LYPLAL1: variants seen among roughly 807,000 people sequenced by gnomAD.
The protein encoded by LYPLAL1 is lysophospholipase like 1, also known as lysophospholipase-like protein 1.
A neutral mutation model predicts 19.7 loss-of-function variants in LYPLAL1; 23 were observed. The ratio of observed to expected loss-of-function variants is 1.17; its 90% confidence interval spans 0.84 to 1.65. The LOEUF (loss-of-function observed/expected upper bound fraction) is 1.65. LYPLAL1 is among the 40% of genes most tolerant of loss of function. LYPLAL1 has a pLI of 0.00. For synonymous variants in LYPLAL1, 119 were observed against 96.3 expected (o/e 1.24, Z -1.38); for missense variants, 355 against 279.4 (o/e 1.27, Z -1.93).
chr1:219,174,368 A>G, intron 1 of LYPLAL1: 2 of 944,126 alleles, frequency 2.1e-6, no homozygotes, highest in Non-Finnish European at 2.6e-6. Context: ...GTGATTTTTC[A>G]GTCGTAATTG....
chr1:219,306,698 C>A, the LYPLAL1 span, among the ~76,000 whole-genome samples: 4 of 150,156 alleles, frequency 2.7e-5, no homozygotes, highest in African/African-American at 9.8e-5. Flanking sequence ...TTATGTGAGC[C>A]AAATCCTTAA....
chr1:219,284,188 A>C, the LYPLAL1 span, among the ~76,000 whole-genome samples: 3 of 152,226 alleles, frequency 2.0e-5, no homozygotes, highest in Non-Finnish European at 4.4e-5. Context: ...AGGCATCCCC[A>C]GCCATGCAGA....
chr1:219,370,875 G>T, the LYPLAL1 span, among the ~76,000 whole-genome samples: 1 of 152,146 alleles, frequency 6.6e-6, no homozygotes, highest in African/African-American at 2.4e-5. Flanking sequence ...ACGCACTTAA[G>T]ATAGAGCACC....
the LYPLAL1 span, among the ~76,000 whole-genome samples, chr1:219,264,120 C>G: frequency 1.3e-5 from 2 of 152,304 alleles, no homozygotes; most frequent in East Asian, 3.9e-4. Context: ...ACTGCTATAC[C>G]TATCTCCAGT....
chr1:219,432,172 A>G, the LYPLAL1 span, among the ~76,000 whole-genome samples: 1 of 152,190 alleles, frequency 6.6e-6, no homozygotes, highest in Non-Finnish European at 1.5e-5. Flanking sequence ...GTAAATAGCC[A>G]ATTTAGAAGC....
At chr1:219,299,995 T>G in the LYPLAL1 span, among the ~76,000 whole-genome samples, 5 of 152,296 alleles carry the variant, frequency 3.3e-5, no homozygotes, top group East Asian at 9.6e-4. Context: ...ATATATATAT[T>G]TGAGACAGAG....
At chr1:219,227,633 T>C in the LYPLAL1 span, among the ~76,000 whole-genome samples, 1 of 152,166 alleles carries the variant, frequency 6.6e-6, no homozygotes, top group Admixed American at 6.5e-5. Flanking sequence ...GGAGTGTTTT[T>C]AGATTGCATA....
chr1:219,200,014 CAGTG>C, intron 3 of LYPLAL1: 3 of 232,704 alleles, frequency 1.3e-5, no homozygotes, highest in Non-Finnish European at 2.7e-5. Context: ...TTTGTTCACT[CAGTG>C]AGCCCATTAT....
the LYPLAL1 span, among the ~76,000 whole-genome samples, chr1:219,427,918 C>G: frequency 6.6e-6 from 1 of 152,178 alleles, no homozygotes; most frequent in Non-Finnish European, 1.5e-5. Flanking sequence ...TAGGCAGGTA[C>G]CAACTATAAA....
chr1:219,239,264 C>T, the LYPLAL1 span, among the ~76,000 whole-genome samples: 1 of 152,166 alleles, frequency 6.6e-6, no homozygotes, highest in Non-Finnish European at 1.5e-5. Flanking sequence ...GCTATCTGAA[C>T]AAAGCCCAGA....
At chr1:219,398,995 T>C in the LYPLAL1 span, among the ~76,000 whole-genome samples, 1 of 152,238 alleles carries the variant, frequency 6.6e-6, no homozygotes, top group Admixed American at 6.5e-5. Flanking sequence ...AAGCATTTCA[T>C]AGTGCAGTGA....
At chr1:219,180,651 G>A (rs895498174) in intron 2 of LYPLAL1, among the ~76,000 whole-genome samples, 1 of 152,182 alleles carries the variant, frequency 6.6e-6, no homozygotes, top group Non-Finnish European at 1.5e-5. Context: ...AAGAAACATA[G>A]TGGTATTTCT....
the LYPLAL1 span, among the ~76,000 whole-genome samples, chr1:219,261,369 T>G: frequency 2.5e-4 from 38 of 152,282 alleles, no homozygotes; most frequent in African/African-American, 8.7e-4. Context: ...GGGGTTATAT[T>G]ACTAGCTAGG....
chr1:219,229,737 C>G, the LYPLAL1 span, among the ~76,000 whole-genome samples: 1 of 152,210 alleles, frequency 6.6e-6, no homozygotes, highest in Admixed American at 6.5e-5. Context: ...TGAATGCTCT[C>G]CTAGAGGTTT....
the LYPLAL1 span, among the ~76,000 whole-genome samples, chr1:219,225,122 T>C: frequency 6.6e-6 from 1 of 152,168 alleles, no homozygotes; most frequent in South Asian, 2.1e-4. Flanking sequence ...GACTGCTGGC[T>C]CCATGTCTAT....
At chr1:219,389,861 A>G in the LYPLAL1 span, among the ~76,000 whole-genome samples, 9 of 152,214 alleles carry the variant, frequency 5.9e-5, no homozygotes, top group Non-Finnish European at 1.3e-4. Flanking sequence ...AATATTTGCA[A>G]TAAAATTAAT....
chr1:219,296,537 T>C, the LYPLAL1 span, among the ~76,000 whole-genome samples: 2 of 152,128 alleles, frequency 1.3e-5, no homozygotes, highest in Admixed American at 6.5e-5. Flanking sequence ...GGCACATAAG[T>C]GGAGGGGACA....
At chr1:219,419,103 T>C in the LYPLAL1 span, among the ~76,000 whole-genome samples, 1 of 152,200 alleles carries the variant, frequency 6.6e-6, no homozygotes, top group African/African-American at 2.4e-5. Flanking sequence ...TAATTGAAGC[T>C]GCTGTGAACA....
the LYPLAL1 span, among the ~76,000 whole-genome samples, chr1:219,249,414 G>C: frequency 6.6e-6 from 1 of 151,848 alleles, no homozygotes; most frequent in Non-Finnish European, 1.5e-5. Context: ...GTGTTAAAAT[G>C]CCACCATTTC....
Sources: gnomAD v4.1 joint callset for allele counts (sites outside exome capture counted in the v4.1 genomes callset) on GRCh38, gnomAD v4.1.1 for gene constraint, MANE v1.5 for transcripts, NCBI Gene and HGNC (gene_info 2026-07-23, HGNC 2026-07-21) for gene names.